The following KIF13A variants were observed in gnomAD, a reference collection of about 807,000 sequenced individuals.
The protein encoded by KIF13A is kinesin-like protein KIF13A.
Under a neutral mutation model 212.2 loss-of-function variants are expected in KIF13A, and 79 were observed. The observed-to-expected ratio is 0.37, with a 90% CI of 0.31 to 0.45. The LOEUF (loss-of-function observed/expected upper bound fraction) is 0.45, where lower values mean the gene tolerates loss of function less well. Among genes scored for constraint, KIF13A ranks in the 20% least tolerant of loss-of-function variants. The probability of loss-of-function intolerance (pLI) is 1.00; values close to 1 mark genes in which losing one functional copy is unlikely to be tolerated. For missense variants in KIF13A, 1,901 were observed against 2,209.0 expected, an observed-to-expected ratio of 0.86 and a Z score of 2.79; for synonymous variants, 789 against 808.6, an observed-to-expected ratio of 0.98 and a Z score of 0.41.
intron 2 of KIF13A, among the ~76,000 whole-genome samples, chr6:17,975,544 AAAG>A (rs1294115824): frequency 6.6e-6 from 1 of 151,962 alleles, no homozygotes; most frequent in African/African-American, 2.4e-5. Flanking sequence ...GCAAAGACCA[AAAG>A]AAAAAAAAGC....
rs199847865 is a variant in KIF13A, at chr6:17,836,944, G to A, written c.1089C>T (p.Asn363=). 101 of 1,613,876 alleles carry A rather than the reference G, an allele frequency of 6.3e-5. No homozygotes were observed. Among genetic ancestry groups the A allele is most frequent in the Middle Eastern group, 3.3e-4 (2 of 6,062 alleles). The part of the protein sequence containing the change: ...VNHAVVNEDP[N]AKVIRELREE... The stretch of plus-strand genomic sequence containing the variant: ...CCCGCAGTTCTCGGATCACTTTTGC[G>A]TTGGGGTCCTCATTCACAACAGCAT... The change falls in exon 11 of 39, where the codon AAC becomes AAT. Residue 363 remains asparagine, a synonymous_variant. Transcript: ENST00000259711.
intron 2 of KIF13A, among the ~76,000 whole-genome samples, chr6:17,902,723 G>A (rs913606636): frequency 3.3e-5 from 5 of 152,080 alleles, no homozygotes; most frequent in Admixed American, 2.6e-4. Flanking sequence ...TCCTAGGGTC[G>A]ACAAAACAGC....
chr6:17,930,554 T>C (rs1775901602), intron 2 of KIF13A, among the ~76,000 whole-genome samples: 1 of 152,164 alleles, frequency 6.6e-6, no homozygotes, highest in Non-Finnish European at 1.5e-5. Flanking sequence ...GACCTCAGAG[T>C]TCATACAAAG....
intron 2 of KIF13A, among the ~76,000 whole-genome samples, chr6:17,913,987 G>A (rs1473096624): frequency 6.6e-6 from 1 of 152,076 alleles, no homozygotes; most frequent in African/African-American, 2.4e-5. Flanking sequence ...TCCAAGGTAT[G>A]GGCCACAATC....
chr6:17,881,756 G>A (rs762935984), intron 3 of KIF13A: 24 of 335,222 alleles, frequency 7.2e-5, no homozygotes, highest in Middle Eastern at 1.1e-3. Flanking sequence ...AGCACTTTGG[G>A]AGGTGGAGGC....
intron 20 of KIF13A, among the ~76,000 whole-genome samples, chr6:17,800,888 C>T (rs540539672): frequency 2.6e-5 from 4 of 151,900 alleles, no homozygotes; most frequent in South Asian, 2.1e-4. Flanking sequence ...CATAAGCCAC[C>T]GTGTCCGGCC....
chr6:17,828,386 T>G lies in KIF13A; in HGVS notation c.1402-16A>C. ...TGGTGTGATCCTAGTAAAAGATTATTAAGGAAAGAAAAACCCACATTTATG... is the reference window on the plus strand; with the variant it reads ...TGGTGTGATCCTAGTAAAAGATTATGAAGGAAAGAAAAACCCACATTTATG... On this transcript the variant is annotated splice_polypyrimidine_tract_variant and intron_variant, in intron 13 of 38. Coordinates refer to ENST00000259711, the MANE Select transcript of KIF13A (RefSeq NM_022113.6). This position sits in a 1 kb window ranked among gnomAD's most constrained non-coding sequence, Gnocchi z 4.3. 6.3e-7 allele frequency: 1 copy of G among 1,599,810 alleles called. No homozygotes were observed. Among genetic ancestry groups the G allele is most frequent in the Middle Eastern group, 1.7e-4 (1 of 5,992 alleles).
intron 2 of KIF13A, among the ~76,000 whole-genome samples, chr6:17,970,379 G>T (rs1779710823): frequency 1.4e-5 from 2 of 144,774 alleles, no homozygotes; most frequent in South Asian, 4.5e-4. Context: ...AGGCGGTGGG[G>T]ATCACTTGAG....
intron 3 of KIF13A, among the ~76,000 whole-genome samples, chr6:17,882,968 C>T (rs549932930): frequency 3.3e-5 from 5 of 152,316 alleles, no homozygotes; most frequent in South Asian, 2.1e-4. Flanking sequence ...TATTTATATA[C>T]AATTCCCTTT....
chr6:17,947,990 T>G lies in KIF13A; in HGVS notation c.146+39064A>C, dbSNP rs932586781. Among the ~76,000 whole-genome samples the G allele has an allele frequency of 4.6e-5, 7 of 152,268 alleles. No individual in the cohort carries two copies. Among genetic ancestry groups the G allele is most frequent in the African/African-American group, 1.7e-4 (7 of 41,480 alleles). Reference sequence around the variant, plus strand: ...AGCAAAGCTTTAAAATGTGTAAGTCTGCTATTCTTGCAACTTATTTTTTCA... The same window carrying G: ...AGCAAAGCTTTAAAATGTGTAAGTCGGCTATTCTTGCAACTTATTTTTTCA... On this transcript the variant is annotated intron_variant, in intron 2 of 38. Transcript: ENST00000259711. The surrounding 1 kb of genome is among the most constrained non-coding windows in gnomAD (Gnocchi z 4.6).
At chr6:17,903,046 T>C (rs986709261) in intron 2 of KIF13A, among the ~76,000 whole-genome samples, 5 of 152,166 alleles carry the variant, frequency 3.3e-5, no homozygotes, top group Admixed American at 6.5e-5. Flanking sequence ...TGTCAGAAAA[T>C]GCAGAATATT....
chr6:17,760,494 G>GT (rs1255674150), downstream of KIF13A: 1 of 239,978 alleles, frequency 4.2e-6, no homozygotes, highest in Non-Finnish European at 8.0e-6. Context: ...AGATTCTACA[G>GT]TAAGAACTGA....
intron 20 of KIF13A, among the ~76,000 whole-genome samples, chr6:17,803,573 A>G (rs1355949785): frequency 1.3e-5 from 2 of 152,234 alleles, no homozygotes; most frequent in South Asian, 2.1e-4. Flanking sequence ...ATATCTAAAT[A>G]GCTGAAATAC....
intron 2 of KIF13A, among the ~76,000 whole-genome samples, chr6:17,931,738 G>T (rs1019182215): frequency 1.3e-5 from 2 of 152,026 alleles, no homozygotes; most frequent in African/African-American, 4.8e-5. Flanking sequence ...GACAATAGAA[G>T]ACAGTAACAA....
At chr6:17,865,357 T>C (rs897938674) in intron 4 of KIF13A, among the ~76,000 whole-genome samples, 4 of 151,926 alleles carry the variant, frequency 2.6e-5, no homozygotes, top group Admixed American at 2.6e-4. Context: ...GGGCTCACTA[T>C]TTATGACTTG....
In KIF13A at chr6:17,967,153, T is replaced by C. The variant is rs1241948572; in HGVS notation, c.146+19901A>G. 2.6e-5 allele frequency among the ~76,000 whole-genome samples: 4 copies of C among 152,162 alleles called. No homozygotes were observed. The highest frequency in any genetic ancestry group is 5.9e-5 in the Non-Finnish European group (4 of 68,014). ...TTAAAGATAAAGCAAAACAGAAAAT[T>C]TCAACAAGGCAGAACTTTGTCTTGG... On this transcript the variant is annotated intron_variant, in intron 2 of 38. Transcript: ENST00000259711. The surrounding 1 kb of genome is among the most constrained non-coding windows in gnomAD (Gnocchi z 4.1).
chr6:17,770,733 C>T, intron 38 of KIF13A: 1 of 916,438 alleles, frequency 1.1e-6, no homozygotes, highest in Non-Finnish European at 1.3e-6. Flanking sequence ...GCATTAAATG[C>T]ATGATTACTT....
chr6:17,873,964 A>C (rs1044575886), intron 3 of KIF13A, among the ~76,000 whole-genome samples: 1 of 152,204 alleles, frequency 6.6e-6, no homozygotes, highest in Non-Finnish European at 1.5e-5. Context: ...GAAAATTACT[A>C]TTTATCTAGA....
rs77403154 is a variant in KIF13A at position 17,826,822 on chromosome 6, ATATT to A, written c.1533-702_1533-699del. ...TTTTAGGTATGATGATATTGAAACT[ATATT>A]TAAGAATCTTCATCTTTTAGAGAGA... On this transcript the variant is annotated intron_variant, in intron 14 of 38. Coordinates refer to ENST00000259711, the MANE Select transcript of KIF13A (RefSeq NM_022113.6). This position sits in a 1 kb window ranked among gnomAD's most constrained non-coding sequence, Gnocchi z 4.7. Among the ~76,000 whole-genome samples the A allele has an allele frequency of 0.27, 40,992 of 151,896 alleles. 5,600 individuals are homozygous for A. Among genetic ancestry groups the A allele is most frequent in the Admixed American group, 0.35 (5,278 of 15,232 alleles).
Sources: allele counts gnomAD v4.1 joint callset (sites outside exome capture counted in the v4.1 genomes callset), GRCh38; gene constraint gnomAD v4.1.1; non-coding constraint Gnocchi (gnomAD v3.1); transcripts MANE v1.5; gene names NCBI Gene and HGNC (gene_info 2026-07-23, HGNC 2026-07-21).